F5: variants seen among roughly 807,000 people sequenced by gnomAD.
The protein encoded by F5 is coagulation factor V.
Under a neutral mutation model 216.4 loss-of-function variants are expected in F5, and 138 were observed. The observed-to-expected ratio is 0.64, with a 90% CI of 0.56 to 0.73. F5 has a LOEUF of 0.73. F5 is among the 30% of genes least tolerant of loss of function. F5 has a pLI of 0.00. For missense variants in F5, 2,403 were observed against 2,674.0 expected (o/e 0.90, Z 2.24); for synonymous variants, 916 against 930.7 (o/e 0.98, Z 0.29).
At chr1:169,566,861 C>G (rs776777820) in intron 3 of F5, among the ~76,000 whole-genome samples, 22 of 151,994 alleles carry the variant, frequency 1.4e-4, no homozygotes, top group Non-Finnish European at 2.9e-4. Context: ...CTTTCCCAGT[C>G]ATGTTGCAAT....
chr1:169,559,166 A>C lies in F5; in HGVS notation c.717T>G (p.Asn239Lys). 1 of 1,613,850 alleles carries C rather than the reference A, an allele frequency of 6.2e-7. No individual in the cohort carries two copies. Among genetic ancestry groups the C allele is most frequent in the Non-Finnish European group, 8.5e-7 (1 of 1,179,780 alleles). Residue 239 changes from asparagine to lysine, a missense_variant, in exon 5 of 25, where the codon AAT becomes AAG. Coordinates refer to ENST00000367797, the MANE Select transcript of F5 (RefSeq NM_000130.5). ...SLMYTVNGYVNGTMPDITVCA... is the reference protein window; with the variant it reads ...SLMYTVNGYVKGTMPDITVCA... Reference sequence around the variant, plus strand: ...CCCTCGTGTTACCTGGCATTGTCCCATTCACATATCCATTGACTGTGTACA... The same window carrying C: ...CCCTCGTGTTACCTGGCATTGTCCCCTTCACATATCCATTGACTGTGTACA...
At chr1:169,560,060 T>G (rs937132528) in intron 4 of F5, among the ~76,000 whole-genome samples, 1 of 152,170 alleles carries the variant, frequency 6.6e-6, no homozygotes, top group African/African-American at 2.4e-5. Context: ...TCTTGTAAAG[T>G]CACTTGAGTG....
chr1:169,556,580 G>C, intron 6 of F5, 66 bp downstream of exon 6: 3 of 1,493,318 alleles, frequency 2.0e-6, no homozygotes, highest in Middle Eastern at 1.7e-4. Flanking sequence ...GGGAGAAAGA[G>C]GGAGTTAGTG....
rs1660399339 is a variant in F5 at position 169,559,140 on chromosome 1, G to A, written c.730+13C>T. 6.2e-7 allele frequency: 1 copy of A among 1,613,406 alleles called. No individual in the cohort carries two copies. Among genetic ancestry groups the A allele is most frequent in the African/African-American group, 1.3e-5 (1 of 74,886 alleles). On this transcript the variant is annotated intron_variant, in intron 5 of 24. Coordinates refer to ENST00000367797, the MANE Select transcript of F5 (RefSeq NM_000130.5). ...TTTTACTGTTGTTTAATGGTACACA[G>A]CCCTCGTGTTACCTGGCATTGTCCC...
At chr1:169,556,949 T>G in intron 5 of F5, 82 bp from the exon 6 acceptor site, 1 of 1,214,432 alleles carries the variant, frequency 8.2e-7, no homozygotes, top group Middle Eastern at 2.6e-4. Context: ...CCAAGTGTAT[T>G]GAGCACCTGC....
At position 169,549,979 on chromosome 1, in the gene F5, C is replaced by T. The variant is rs1018021435; in HGVS notation, c.1433G>A (p.Gly478Glu). ...GTTCCACTTATAAGTATAGGTTTCC[C>T]CTGGTTGAACTGCTCTGATCATGGT... is the stretch of plus-strand genomic sequence containing the variant. ...NNTMIRAVQP[G>E]ETYTYKWNIL... Residue 478 changes from glycine (G) to glutamate (E), a missense_variant, in exon 10 of 25, where the codon GGG (glycine) becomes GAG (glutamate). Physicochemically the swap from Gly to Glu is moderately conservative, Grantham distance 98. Around this residue, in one of 4 missense-constraint regions of F5, gnomAD observed 1,425 missense variants for 1,554.8 expected, o/e 0.92. Coordinates refer to ENST00000367797, the MANE Select transcript of F5 (RefSeq NM_000130.5). 6.2e-7 allele frequency: 1 copy of T among 1,614,038 alleles called. No individual in the cohort carries two copies. The highest frequency in any genetic ancestry group is 8.5e-7 in the Non-Finnish European group (1 of 1,180,022).
At chr1:169,530,101 A>G (rs941280423) in intron 15 of F5, among the ~76,000 whole-genome samples, 4 of 152,176 alleles carry the variant, frequency 2.6e-5, no homozygotes, top group African/African-American at 9.7e-5. Flanking sequence ...ATATTAAATG[A>G]TTTGCCTGCA....
At chr1:169,560,270 C>T (rs906951914) in intron 4 of F5, among the ~76,000 whole-genome samples, 2 of 152,120 alleles carry the variant, frequency 1.3e-5, no homozygotes, top group African/African-American at 4.8e-5. Flanking sequence ...GTAAATGTTA[C>T]AGATCATACA....
intron 4 of F5, 70 bp from the exon 5 acceptor site, chr1:169,559,366 A>G: frequency 2.6e-6 from 4 of 1,532,116 alleles, no homozygotes; most frequent in Admixed American, 1.7e-5. Flanking sequence ...CCTGGATAGC[A>G]AAGAGTTTAG....
chr1:169,560,824 C>T, intron 3 of F5, 58 bp from the exon 4 acceptor site: 1 of 1,506,860 alleles, frequency 6.6e-7, no homozygotes, highest in Non-Finnish European at 9.2e-7. Context: ...GCGTTTTCAC[C>T]ACTCTCAAAT....
intron 5 of F5, among the ~76,000 whole-genome samples, chr1:169,557,584 T>G (rs1372933568): frequency 6.6e-6 from 1 of 152,066 alleles, no homozygotes; most frequent in Non-Finnish European, 1.5e-5. Context: ...AAAACTTAGT[T>G]TTGCTCCTTC....
chr1:169,541,704 G>A lies in F5; in HGVS notation c.3386C>T (p.Thr1129Ile). The A allele has an allele frequency of 6.2e-7, 1 of 1,614,122 alleles. No individual in the cohort carries two copies. Among genetic ancestry groups the A allele is most frequent in the Non-Finnish European group, 8.5e-7 (1 of 1,179,992 alleles). ...QTVPPEEHYQ[T>I]FPIQDPDQMH... ...TTGATCAGGGTCTTGAATGGGGAAT[G>A]TTTGATAGTGTTCCTCTGGGGGCAC... Residue 1129 changes from threonine (T) to isoleucine (I), a missense_variant, in exon 13 of 25, where the codon ACA (threonine) becomes ATA (isoleucine). This residue lies in a region of F5 where 1,425 missense variants were observed against 1,554.8 expected (regional missense o/e 0.92). Coordinates refer to ENST00000367797, the MANE Select transcript of F5 (RefSeq NM_000130.5).
In F5 at chr1:169,517,229, C is replaced by T. The variant is rs139662077; in HGVS notation, c.6345+1183G>A. 7.2e-3 allele frequency among the ~76,000 whole-genome samples: 1,093 copies of T among 152,226 alleles called. 12 individuals carry two copies. The highest frequency in any genetic ancestry group is 0.025 in the African/African-American group (1,034 of 41,534). On this transcript the variant is annotated intron_variant, in intron 23 of 24. Transcript: ENST00000367797. ...TTCTAGTCCTGATTCTGCTACCAAACTAAGCTAAAATTATTTAATCTCCTG... is the reference window on the plus strand; with the variant it reads ...TTCTAGTCCTGATTCTGCTACCAAATTAAGCTAAAATTATTTAATCTCCTG...
At chr1:169,528,956 A>G (rs372987550) in intron 16 of F5, among the ~76,000 whole-genome samples, 1 of 152,204 alleles carries the variant, frequency 6.6e-6, no homozygotes, top group African/African-American at 2.4e-5. Context: ...GAGAACACCT[A>G]TCTACATATT....
rs1660342844 is a variant in F5 at position 169,556,815 on chromosome 1, G to A, written c.783C>T (p.Ser261=). ...DHISWHLLGM[S]SGPELFSIHF... The stretch of plus-strand genomic sequence containing the variant: ...GAATGGAGAATAATTCTGGCCCCGA[G>A]CTCATTCCCAGCAGATGCCAGCTGA... The change falls in exon 6 of 25, where the codon AGC becomes AGT. Residue 261 remains serine (S), a synonymous_variant. Coordinates refer to ENST00000367797, the MANE Select transcript of F5 (RefSeq NM_000130.5). The A allele has an allele frequency of 6.2e-7, 1 of 1,614,114 alleles. No individual in the cohort carries two copies. The highest frequency in any genetic ancestry group is 2.2e-5 in the East Asian group (1 of 44,884).
intron 21 of F5, among the ~76,000 whole-genome samples, chr1:169,521,299 G>A (rs1024534326): frequency 6.6e-5 from 10 of 152,162 alleles, no homozygotes; most frequent in African/African-American, 2.4e-4. Flanking sequence ...AAAAGGCCAT[G>A]TAGGGATTTA....
chr1:169,559,417 C>A (rs988631061), intron 4 of F5, 121 bp from the exon 5 acceptor site: 1 of 1,029,934 alleles, frequency 9.7e-7, no homozygotes. Context: ...TGAAGAAATT[C>A]TTATTTTTTA....
intron 14 of F5, among the ~76,000 whole-genome samples, chr1:169,532,697 A>G (rs1557910989): frequency 6.6e-6 from 1 of 152,226 alleles, no homozygotes; most frequent in Admixed American, 6.5e-5. Flanking sequence ...TATAAGAAGA[A>G]TTACAAAACA....
At position 169,546,603 on chromosome 1, in the gene F5, A is replaced by C; in HGVS notation, c.1612-11T>G. The C allele has an allele frequency of 6.2e-7, 1 of 1,613,628 alleles. No homozygotes were observed. The highest frequency in any genetic ancestry group is 2.2e-5 in the East Asian group (1 of 44,888). ...GATGTCTGCTGCCCTCTGGAGGACA[A>C]AACAGTATAGTACTGGTACAAGAAC... On this transcript the variant is annotated splice_polypyrimidine_tract_variant and intron_variant, in intron 10 of 24. Transcript: ENST00000367797.
Sources: gnomAD v4.1 joint callset for allele counts (sites outside exome capture counted in the v4.1 genomes callset) on GRCh38, gnomAD v4.1.1 for gene constraint, gnomAD v4.1.1 regional missense constraint, MANE v1.5 for transcripts, NCBI Gene and HGNC (gene_info 2026-07-23, HGNC 2026-07-21) for gene names.